The following GALK2 variants were observed in gnomAD, a reference collection of about 807,000 sequenced individuals.
GALK2 encodes galactokinase 2.
In GALK2, 36 loss-of-function variants were observed where a neutral mutation model predicts 52.4. That is an observed-to-expected ratio of 0.69 (90% CI 0.53 to 0.91). The LOEUF is 0.91. Ranked by LOEUF, GALK2 falls within the 40% of genes least tolerant of loss-of-function variation. The probability of loss-of-function intolerance (pLI) is 0.00; values close to 1 mark genes in which losing one functional copy is unlikely to be tolerated. For synonymous variants in GALK2, 176 were observed against 199.1 expected (o/e 0.88, Z 0.98); for missense variants, 579 against 559.1 (o/e 1.04, Z -0.36).
chr15:49,250,523 G>C (rs2091546890), intron 5 of GALK2, among the ~76,000 whole-genome samples: 1 of 152,124 alleles, frequency 6.6e-6, no homozygotes, highest in African/African-American at 2.4e-5. Flanking sequence ...GAGGCTCAGA[G>C]AATTTATATA....
chr15:49,361,903 A>T (rs2044308394), intron 3 of GALK2, among the ~76,000 whole-genome samples: 1 of 152,060 alleles, frequency 6.6e-6, no homozygotes, highest in Non-Finnish European at 1.5e-5. Context: ...CCTCTCCAGA[A>T]TCTGTTATTT....
chr15:49,314,844 C>G (rs1489994858), intron 8 of GALK2, among the ~76,000 whole-genome samples: 1 of 152,200 alleles, frequency 6.6e-6, no homozygotes, highest in Admixed American at 6.5e-5. Flanking sequence ...GCTGTGACAT[C>G]TGAGTGTTGA....
Position 49,331,849 on chromosome 15 carries a change from T to G in GALK2, c.*3690T>G, listed in dbSNP as rs1244276455. 1 of 1,599,544 alleles carries G rather than the reference T, an allele frequency of 6.3e-7. No homozygotes were observed. The highest frequency in any genetic ancestry group is 8.6e-7 in the Non-Finnish European group (1 of 1,167,042). The stretch of plus-strand genomic sequence containing the variant: ...GTTTCTTGGTAGCCTTTGCTTGGAG[T>G]CTAATCATGGAATAAAGAAAATCAG... On this transcript the variant is annotated 3_prime_UTR_variant, in exon 10 of 10. Coordinates refer to ENST00000560031, the MANE Select transcript of GALK2 (RefSeq NM_002044.4).
upstream of GALK2, chr15:49,168,969 T>A (rs1482461951): frequency 6.5e-6 from 1 of 153,824 alleles, no homozygotes; most frequent in African/African-American, 2.4e-5. Context: ...AAAGCTGCCC[T>A]GAGACCAGAG....
chr15:49,254,137 G>A lies in GALK2; in HGVS notation c.504+14770G>A, dbSNP rs1423451164. 3.5e-5 allele frequency among the ~76,000 whole-genome samples: 5 copies of A among 144,246 alleles called. 1 individual carries two copies. Among genetic ancestry groups the A allele is most frequent in the Non-Finnish European group, 7.8e-5 (5 of 64,222 alleles). The allele number at this position is 144,246 out of a possible 152,430, so 94.6% of individuals were successfully genotyped here. ...CCTGACATAAAGGAGGCAAGTAATTGGATTGGGTTGAATTAGTGAACTACC... is the reference window on the plus strand; with the variant it reads ...CCTGACATAAAGGAGGCAAGTAATTAGATTGGGTTGAATTAGTGAACTACC... On this transcript the variant is annotated intron_variant, in intron 5 of 9. Coordinates refer to ENST00000560031, the MANE Select transcript of GALK2 (RefSeq NM_002044.4).
At chr15:49,308,638 C>T (rs1049459165) in intron 8 of GALK2, among the ~76,000 whole-genome samples, 1 of 152,170 alleles carries the variant, frequency 6.6e-6, no homozygotes, top group African/African-American at 2.4e-5. Flanking sequence ...TGGAGAAACT[C>T]GCTGCATAAA....
At chr15:49,263,784 G>T (rs1275637973) in intron 5 of GALK2, among the ~76,000 whole-genome samples, 2 of 128,368 alleles carry the variant, frequency 1.6e-5, no homozygotes, top group African/African-American at 6.3e-5. Flanking sequence ...AAATCTCTCA[G>T]CATTTGCTTG....
chr15:49,315,407 G>A (rs11634636), intron 8 of GALK2, among the ~76,000 whole-genome samples: 22,748 of 152,174 alleles, frequency 0.15, 2,209 homozygotes, highest in Non-Finnish European at 0.21. Context: ...ATGTTAGCTG[G>A]ACAGGGAAGA....
At chr15:49,244,522 A>G (rs2141532050) in intron 5 of GALK2, among the ~76,000 whole-genome samples, 1 of 152,314 alleles carries the variant, frequency 6.6e-6, no homozygotes, top group Non-Finnish European at 1.5e-5. Context: ...TCTCTAAAAT[A>G]TTAATAAATT....
intron 8 of GALK2, among the ~76,000 whole-genome samples, chr15:49,307,227 A>G (rs1289025525): frequency 1.3e-5 from 2 of 152,280 alleles, no homozygotes; most frequent in African/African-American, 2.4e-5. Flanking sequence ...TGGACAGGCA[A>G]TGATGGTGCG....
At chr15:49,357,398 G>C (rs2043345626) in intron 3 of GALK2, among the ~76,000 whole-genome samples, 1 of 148,970 alleles carries the variant, frequency 6.7e-6, no homozygotes, top group Non-Finnish European at 1.5e-5. Flanking sequence ...AATGATAAAG[G>C]GGATATCACC....
Position 49,170,380 on chromosome 15 carries a change from G to A in GALK2, c.53+5G>A, listed in dbSNP as rs537130126. 2.5e-6 allele frequency: 4 copies of A among 1,587,378 alleles called. No homozygotes were observed. In the East Asian group the frequency reaches 6.9e-5, roughly 27 times the overall value. ...CCAGGTGGCAGAACATCCTAGGTGG[G>A]GGAGAGGAGACGCCGGGCTTTGGGA... is the stretch of plus-strand genomic sequence containing the variant. On this transcript the variant is annotated splice_donor_5th_base_variant and intron_variant, in intron 1 of 9. Coordinates refer to ENST00000560031, the MANE Select transcript of GALK2 (RefSeq NM_002044.4).
At position 49,292,327 on chromosome 15, in the gene GALK2, C is replaced by G. The variant is rs1376271812; in HGVS notation, c.757C>G (p.Leu253Val). Residue 253 changes from leucine (L) to valine (V), a missense_variant and splice_region_variant, in exon 8 of 10, where the codon CTC becomes GTC. Physicochemically the swap from Leu to Val is conservative, Grantham distance 32. Coordinates refer to ENST00000560031, the MANE Select transcript of GALK2 (RefSeq NM_002044.4). Reference sequence around the variant, plus strand: ...CCATTATCTTGATTTGAATTTGCAGCTCCTGGCTAAATACAAAAGCTTGCA... The same window carrying G: ...CCATTATCTTGATTTGAATTTGCAGGTCCTGGCTAAATACAAAAGCTTGCA... ...RVMECRLAAK[L>V]LAKYKSLQWD... 6.2e-7 allele frequency: 1 copy of G among 1,613,270 alleles called. No individual in the cohort carries two copies.
At chr15:49,360,044 T>A (rs2043910555) in intron 3 of GALK2, among the ~76,000 whole-genome samples, 1 of 127,734 alleles carries the variant, frequency 7.8e-6, no homozygotes. Flanking sequence ...AACAATGAGA[T>A]CACATGGACA....
intron 8 of GALK2, among the ~76,000 whole-genome samples, chr15:49,301,008 G>A (rs913362589): frequency 1.3e-5 from 2 of 152,140 alleles, no homozygotes; most frequent in African/African-American, 4.8e-5. Flanking sequence ...AGGCAGGTCC[G>A]ATGGTAATGA....
rs2038681422 is a variant in GALK2 at position 49,331,257 on chromosome 15, C to A, written c.*3098C>A. 1 of 153,298 alleles carries A rather than the reference C, an allele frequency of 6.5e-6. No individual in the cohort carries two copies. Among genetic ancestry groups the A allele is most frequent in the African/African-American group, 2.4e-5 (1 of 41,430 alleles). The allele number at this position is 153,298 out of a possible 1,614,324, so 9.5% of individuals were successfully genotyped here. On this transcript the variant is annotated 3_prime_UTR_variant, in exon 10 of 10. Transcript: ENST00000560031. ...TTCTTGTCTGTTGGGAGAGAAGAAG[C>A]CCTTCAGACTTAACAAGAATGCCCA...
intron 5 of GALK2, among the ~76,000 whole-genome samples, chr15:49,265,192 A>T (rs902318466): frequency 2.6e-5 from 4 of 152,220 alleles, no homozygotes; most frequent in African/African-American, 9.6e-5. Flanking sequence ...CTACAGAGGC[A>T]GGCAGGCCTC....
intron 5 of GALK2, among the ~76,000 whole-genome samples, chr15:49,241,631 G>A (rs1331944551): frequency 1.3e-5 from 2 of 152,230 alleles, no homozygotes; most frequent in East Asian, 3.8e-4. Context: ...GGGTAAGAAA[G>A]TGGTAAAGTT....
chr15:49,156,791 G>A lies in GALK2; in HGVS notation c.20+775G>A. The A allele has an allele frequency of 1.1e-5, 7 of 643,016 alleles. No individual in the cohort carries two copies. In the South Asian group the frequency reaches 1.1e-4, roughly 10 times the overall value. 39.8% of individuals were successfully genotyped at this position (643,016 alleles called of 1,614,324 possible). A position where few individuals can be genotyped will look rare whatever the true frequency, so the allele number is the denominator to read the frequency against. ...TGTGAATTCCCTTCTTAAATATTTT[G>A]TTACTTTTGAAGTCAAAATCTTCCC... On this transcript the variant is annotated intron_variant, in intron 1 of 9. Transcript: ENST00000327171.
Sources: allele counts gnomAD v4.1 joint callset (sites outside exome capture counted in the v4.1 genomes callset), GRCh38; gene constraint gnomAD v4.1.1; transcripts MANE v1.5; gene names NCBI Gene and HGNC (gene_info 2026-07-23, HGNC 2026-07-21).